The following DLGAP2 variants were observed in gnomAD, a reference collection of about 807,000 sequenced individuals.
DLGAP2 encodes the protein DLG associated protein 2.
Under a neutral mutation model 100.3 loss-of-function variants are expected in DLGAP2, and 26 were observed. That is an observed-to-expected ratio of 0.26 (90% CI 0.19 to 0.36). The LOEUF is 0.36. DLGAP2 is among the 10% of genes least tolerant of loss of function. The pLI, the probability that DLGAP2 is intolerant of heterozygous loss-of-function variation, is 1.00. For missense variants in DLGAP2, 1,858 were observed against 1,453.2 expected, an observed-to-expected ratio of 1.28 and a Z score of -4.53; for synonymous variants, 886 against 630.1, an observed-to-expected ratio of 1.41 and a Z score of -6.08.
intron 2 of DLGAP2, among the ~76,000 whole-genome samples, chr8:1,098,628 C>G (rs1804473000): frequency 9.0e-6 from 1 of 111,280 alleles, no homozygotes; most frequent in Admixed American, 8.9e-5. Flanking sequence ...GCCACCCACG[C>G]CAGGCTCCCG....
Position 1,666,147 on chromosome 8 carries a change from T to G in DLGAP2, c.1811-2182T>G, listed in dbSNP as rs1332508798. ...TTTGGGATGGAGAAGTCTTGGGAAC[T>G]TTCTGAGTCTCCTAAATAGTGCCTT... is the stretch of plus-strand genomic sequence containing the variant. On this transcript the variant is annotated intron_variant, in intron 8 of 14. Transcript: ENST00000637795. Among the ~76,000 whole-genome samples, 6 of 152,234 alleles carry G rather than the reference T, an allele frequency of 3.9e-5. 1 individual carries two copies. In the South Asian group the frequency reaches 1.2e-3, roughly 32 times the overall value.
intron 3 of DLGAP2, among the ~76,000 whole-genome samples, chr8:1,263,670 T>C (rs559884298): frequency 6.6e-6 from 1 of 152,348 alleles, no homozygotes; most frequent in South Asian, 2.1e-4. Context: ...CTTAACATTT[T>C]AAGACCTCTT....
intron 3 of DLGAP2, among the ~76,000 whole-genome samples, chr8:1,313,898 C>A (rs1015927019): frequency 3.3e-5 from 5 of 151,942 alleles, no homozygotes; most frequent in African/African-American, 1.2e-4. Context: ...TCCACCTGAC[C>A]CCCAAGAACC....
At chr8:1,006,776 G>C (rs1412205494) in intron 2 of DLGAP2, among the ~76,000 whole-genome samples, 5 of 93,342 alleles carry the variant, frequency 5.4e-5, no homozygotes, top group Non-Finnish European at 1.0e-4. Flanking sequence ...CAGGGACACC[G>C]TGTGTCTCAA....
chr8:955,370 G>A lies in DLGAP2; in HGVS notation c.73+47404G>A, dbSNP rs542895240. Among the ~76,000 whole-genome samples, 12 of 152,120 alleles carry A rather than the reference G, an allele frequency of 7.9e-5. No homozygotes were observed. In the South Asian group the frequency reaches 1.9e-3, roughly 24 times the overall value. ...TCTCAATGTCAGAAGCAGGTGCGTC[G>A]CTCTGTTTCCACCCACTGGAATCTT... On this transcript the variant is annotated intron_variant, in intron 2 of 14. Transcript: ENST00000637795.
intron 3 of DLGAP2, among the ~76,000 whole-genome samples, chr8:1,390,109 T>C (rs1278069722): frequency 6.6e-6 from 1 of 151,914 alleles, no homozygotes; most frequent in Non-Finnish European, 1.5e-5. Flanking sequence ...TGGTGGAGTA[T>C]CAGGCTTAGA....
chr8:908,155 C>T (rs1057046800), intron 2 of DLGAP2, among the ~76,000 whole-genome samples, 189 bp downstream of exon 2: 2 of 152,174 alleles, frequency 1.3e-5, no homozygotes, highest in Admixed American at 1.3e-4. Context: ...GATTTATGAG[C>T]TGAGCCCAGA....
intron 2 of DLGAP2, among the ~76,000 whole-genome samples, chr8:1,084,989 C>A (rs1056606153): frequency 1.3e-5 from 2 of 152,186 alleles, no homozygotes; most frequent in East Asian, 1.9e-4. Flanking sequence ...CCACTAACAG[C>A]GAACAGGGTT....
chr8:1,382,598 G>A (rs1404399678), intron 3 of DLGAP2, among the ~76,000 whole-genome samples: 1 of 152,050 alleles, frequency 6.6e-6, no homozygotes, highest in Non-Finnish European at 1.5e-5. Flanking sequence ...TAAAAAATTA[G>A]CAGTGCAGTG....
chr8:986,099 GA>G (rs1395303478), intron 2 of DLGAP2, among the ~76,000 whole-genome samples: 1 of 152,164 alleles, frequency 6.6e-6, no homozygotes, highest in Non-Finnish European at 1.5e-5. Context: ...TATTAGGGGG[GA>G]GTATGGCTGG....
chr8:1,308,242 A>G (rs1328185117), intron 3 of DLGAP2, among the ~76,000 whole-genome samples: 1 of 152,212 alleles, frequency 6.6e-6, no homozygotes, highest in Non-Finnish European at 1.5e-5. Flanking sequence ...AGCTCTTGGC[A>G]TTTAATGAGA....
At chr8:1,386,120 G>A (rs573927568) in intron 3 of DLGAP2, among the ~76,000 whole-genome samples, 5 of 152,166 alleles carry the variant, frequency 3.3e-5, no homozygotes, top group African/African-American at 9.7e-5. Flanking sequence ...ACAAAATAAT[G>A]GAAAATAAGA....
chr8:1,196,664 C>T (rs1797758341), intron 2 of DLGAP2, among the ~76,000 whole-genome samples: 1 of 152,188 alleles, frequency 6.6e-6, no homozygotes, highest in Admixed American at 6.5e-5. Context: ...TTGAAAACCA[C>T]ATATGTCAGG....
At chr8:1,326,339 C>G (rs114544958) in intron 3 of DLGAP2, among the ~76,000 whole-genome samples, 1,995 of 152,290 alleles carry the variant, frequency 0.013, 54 homozygotes, top group African/African-American at 0.046. Context: ...AAATATTGAA[C>G]TAAAAAAGTA....
At chr8:927,517 G>A (rs533520425) in intron 2 of DLGAP2, among the ~76,000 whole-genome samples, 80 of 152,280 alleles carry the variant, frequency 5.3e-4, no homozygotes, top group African/African-American at 1.8e-3. Context: ...AAAGTCCTCC[G>A]CGTGTGTCCC....
chr8:1,199,984 C>T (rs1797835606), intron 2 of DLGAP2, among the ~76,000 whole-genome samples: 1 of 151,818 alleles, frequency 6.6e-6, no homozygotes, highest in East Asian at 2.0e-4. Context: ...AGGGGTCAGT[C>T]TGTGCATCCC....
intron 1 of DLGAP2, among the ~76,000 whole-genome samples, chr8:833,249 A>C (rs2132704526): frequency 6.6e-6 from 1 of 152,318 alleles, no homozygotes; most frequent in South Asian, 2.1e-4. Context: ...GCACTCCAGT[A>C]CCCATTTCCT....
At chr8:1,093,788 G>A (rs1563187835) in intron 2 of DLGAP2, among the ~76,000 whole-genome samples, 1 of 152,368 alleles carries the variant, frequency 6.6e-6, no homozygotes, top group South Asian at 2.1e-4. Flanking sequence ...GTGAATACAC[G>A]ACATCAGCCA....
chr8:903,162 T>C (rs1026471070), intron 1 of DLGAP2, among the ~76,000 whole-genome samples: 2 of 152,054 alleles, frequency 1.3e-5, no homozygotes, highest in Non-Finnish European at 2.9e-5. Context: ...ATCTCGTTAA[T>C]GTCAGGACGT....
Sources: gnomAD v4.1 joint callset for allele counts (sites outside exome capture counted in the v4.1 genomes callset) on GRCh38, gnomAD v4.1.1 for gene constraint, MANE v1.5 for transcripts, NCBI Gene and HGNC (gene_info 2026-07-23, HGNC 2026-07-21) for gene names.